The following UTRN variants were observed in gnomAD, a reference collection of about 807,000 sequenced individuals.
UTRN encodes the protein dystrophin-related protein 1.
UTRN carries 283 observed loss-of-function variants against 463.9 expected under a neutral mutation model. The ratio of observed to expected loss-of-function variants is 0.61; its 90% CI spans 0.55 to 0.67. UTRN has a LOEUF of 0.67. Among genes scored for constraint, UTRN ranks in the 30% least tolerant of loss-of-function variants. The pLI is 0.00. For synonymous variants in UTRN, 1,442 were observed against 1,431.5 expected (o/e 1.01, Z -0.17); for missense variants, 3,922 against 4,084.3 (o/e 0.96, Z 1.08).
chr6:144,584,628 C>T (rs890630271), intron 51 of UTRN, among the ~76,000 whole-genome samples: 3 of 151,884 alleles, frequency 2.0e-5, no homozygotes, highest in African/African-American at 7.3e-5. Context: ...TTATATCACA[C>T]TGTAATTTCT....
chr6:144,433,628 G>A lies in UTRN; in HGVS notation c.856-2307G>A, dbSNP rs569078566. Among the ~76,000 whole-genome samples the A allele has an allele frequency of 6.1e-3, 911 of 148,368 alleles. 9 individuals are homozygous for A. The highest frequency in any genetic ancestry group is 0.02 in the African/African-American group (811 of 40,252). Reference sequence around the variant, plus strand: ...AGAGGGTCTCCTCACTTCTCAGACGGGGCGGCCGGGCAGAGACGCTCCTCA... The same window carrying A: ...AGAGGGTCTCCTCACTTCTCAGACGAGGCGGCCGGGCAGAGACGCTCCTCA... On this transcript the variant is annotated intron_variant, in intron 9 of 74. Transcript: ENST00000367545.
intron 39 of UTRN, 147 bp downstream of exon 39, chr6:144,517,095 C>A: frequency 1.5e-6 from 1 of 666,818 alleles, no homozygotes; most frequent in Non-Finnish European, 2.1e-6. Flanking sequence ...TAGATGTGTT[C>A]ATATTTTTGG....
At chr6:144,659,583 G>T (rs949249464) in intron 51 of UTRN, among the ~76,000 whole-genome samples, 1 of 152,190 alleles carries the variant, frequency 6.6e-6, no homozygotes, top group African/African-American at 2.4e-5. Flanking sequence ...TAGCAACCCA[G>T]GCTGCTGGTG....
At chr6:144,476,889 G>A (rs1023323949) in intron 25 of UTRN, among the ~76,000 whole-genome samples, 2 of 152,120 alleles carry the variant, frequency 1.3e-5, no homozygotes, top group African/African-American at 4.8e-5. Flanking sequence ...TGTCTTCAGG[G>A]GAGCAGAGAA....
Position 144,451,556 on chromosome 6 carries a change from C to T in UTRN, c.2196+63C>T, listed in dbSNP as rs1041402710. ...ATAGTTCATCATGCTGGATTTTCTG[C>T]TGGCATAAAGACATTATGGAATTCA... On this transcript the variant is annotated intron_variant, in intron 18 of 74. Transcript: ENST00000367545. 8 of 1,523,238 alleles carry T rather than the reference C, an allele frequency of 5.3e-6. No homozygotes were observed. In the African/African-American group the frequency reaches 9.7e-5, roughly 18 times the overall value. 94.4% of individuals were successfully genotyped at this position (1,523,238 alleles called of 1,614,324 possible).
intron 2 of UTRN, among the ~76,000 whole-genome samples, chr6:144,314,948 A>C (rs899181198): frequency 6.8e-6 from 1 of 147,316 alleles, no homozygotes; most frequent in African/African-American, 2.7e-5. Context: ...CTCTCTCTAT[A>C]TATTTTTTTC....
Position 144,286,687 on chromosome 6 carries a change from A to AG in UTRN, c.-93+868dup, listed in dbSNP as rs11408498. On this transcript the variant is annotated intron_variant, in intron 1 of 74. Coordinates refer to ENST00000367545, the MANE Select transcript of UTRN (RefSeq NM_007124.3). This position sits in a 1 kb window ranked among gnomAD's most constrained non-coding sequence, Gnocchi z 4.4. Reference sequence around the variant, plus strand: ...AACTTTCAGATGGCAGGTTGTTCAAAGGATTTTTTCCTCCAAGCCTCAGAT... The same window carrying AG: ...AACTTTCAGATGGCAGGTTGTTCAAAGGGATTTTTTCCTCCAAGCCTCAGAT... Among the ~76,000 whole-genome samples the AG allele has an allele frequency of 0.52, 79,062 of 151,426 alleles. 22,412 individuals carry two copies. The highest frequency in any genetic ancestry group is 0.75 in the African/African-American group (31,110 of 41,278).
intron 53 of UTRN, among the ~76,000 whole-genome samples, chr6:144,729,649 G>A (rs560379208): frequency 6.6e-6 from 1 of 152,326 alleles, no homozygotes; most frequent in Non-Finnish European, 1.5e-5. Flanking sequence ...CACTGAAGGA[G>A]TTTGGTTGTT....
At chr6:144,758,234 G>A in intron 58 of UTRN, 1 of 297,338 alleles carries the variant, frequency 3.4e-6, no homozygotes. Flanking sequence ...AATATTTGGA[G>A]ACAGACAATA....
chr6:144,474,506 T>C, intron 24 of UTRN, 98 bp from the exon 25 acceptor site: 1 of 1,281,114 alleles, frequency 7.8e-7, no homozygotes, highest in Non-Finnish European at 1.1e-6. Context: ...TTAAGCAGTC[T>C]GCTTGTGTAA....
At chr6:144,685,860 ATTTC>A (rs1782700931) in intron 52 of UTRN, among the ~76,000 whole-genome samples, 1 of 151,954 alleles carries the variant, frequency 6.6e-6, no homozygotes, top group Non-Finnish European at 1.5e-5. Flanking sequence ...TCTGTTGATT[ATTTC>A]TTTTGCTGTG....
chr6:144,742,778 C>G (rs913248736), intron 54 of UTRN, among the ~76,000 whole-genome samples: 1 of 152,164 alleles, frequency 6.6e-6, no homozygotes, highest in Admixed American at 6.5e-5. Flanking sequence ...AACTGGCATG[C>G]AATCTCCTAA....
intron 49 of UTRN, 22 bp downstream of exon 49, chr6:144,554,915 T>C: frequency 6.2e-7 from 1 of 1,612,556 alleles, no homozygotes; most frequent in Non-Finnish European, 8.5e-7. Flanking sequence ...CAGATATTTT[T>C]TGGCAGTATT....
At chr6:144,559,786 A>G (rs1230260646) in intron 50 of UTRN, among the ~76,000 whole-genome samples, 1 of 151,852 alleles carries the variant, frequency 6.6e-6, no homozygotes, top group Non-Finnish European at 1.5e-5. Flanking sequence ...ACATTTTTTC[A>G]CCCTCCCCCT....
At chr6:144,439,942 A>G (rs999679867) in intron 12 of UTRN, among the ~76,000 whole-genome samples, 11 of 152,202 alleles carry the variant, frequency 7.2e-5, no homozygotes, top group African/African-American at 2.7e-4. Context: ...GTAGCATTCT[A>G]CTTATCTCTT....
intron 60 of UTRN, among the ~76,000 whole-genome samples, chr6:144,781,298 G>A (rs1037729631): frequency 3.9e-5 from 6 of 152,150 alleles, no homozygotes; most frequent in African/African-American, 1.4e-4. Flanking sequence ...CTGTGTCAGA[G>A]CATCATCGGA....
At chr6:144,471,039 AGGGG>A in intron 23 of UTRN, among the ~76,000 whole-genome samples, 2 of 51,116 alleles carry the variant, frequency 3.9e-5, no homozygotes, top group Admixed American at 2.7e-4. Context: ...GAGACGAGGG[AGGGG>A]GAGAGGGAGG....
rs545324438 is a variant in UTRN, at chr6:144,289,456, T to TTTTTA, written c.-92-2263_-92-2259dup. ...TAGCACAATAAACACCCAGATGTCC[T>TTTTTA]TTTTATTTTATTTTATTTTATTATT... On this transcript the variant is annotated intron_variant, in intron 1 of 74. Transcript: ENST00000367545. 5.0e-3 allele frequency among the ~76,000 whole-genome samples: 768 copies of TTTTTA among 152,216 alleles called. 4 individuals are homozygous for TTTTTA. Among genetic ancestry groups the TTTTTA allele is most frequent in the Non-Finnish European group, 7.9e-3 (540 of 68,012 alleles).
intron 2 of UTRN, among the ~76,000 whole-genome samples, chr6:144,361,914 C>G (rs1034590313): frequency 2.0e-5 from 3 of 151,986 alleles, no homozygotes; most frequent in African/African-American, 7.3e-5. Context: ...GCCAGAACTG[C>G]CTGTTTCATT....
Sources: allele counts gnomAD v4.1 joint callset (sites outside exome capture counted in the v4.1 genomes callset), GRCh38; gene constraint gnomAD v4.1.1; non-coding constraint Gnocchi (gnomAD v3.1); transcripts MANE v1.5; gene names NCBI Gene and HGNC (gene_info 2026-07-23, HGNC 2026-07-21).